Variants in SCN3A observed in about 807,000 individuals in gnomAD.
The protein encoded by SCN3A is sodium voltage-gated channel alpha subunit 3, also known as sodium channel protein type 3 subunit alpha.
A neutral mutation model predicts 187.6 loss-of-function variants in SCN3A; 60 were observed. That is an observed-to-expected ratio of 0.32 (90% CI 0.26 to 0.40). The LOEUF (loss-of-function observed/expected upper bound fraction) is 0.40. Among genes scored for constraint, SCN3A ranks in the 10% least tolerant of loss-of-function variants. The pLI, the probability that SCN3A is intolerant of heterozygous loss-of-function variation, is 1.00. For missense variants in SCN3A, 1,601 were observed against 2,428.2 expected (o/e 0.66, Z 7.16); for synonymous variants, 788 against 829.2 (o/e 0.95, Z 0.85).
At chr2:165,170,578 A>C in intron 3 of SCN3A, 30 bp from the exon 4 acceptor site, 2 of 1,282,692 alleles carry the variant, frequency 1.6e-6, no homozygotes, top group Non-Finnish European at 2.3e-6. Flanking sequence ...TAAAATTACT[A>C]AATTAGACAT....
At chr2:165,147,828 C>G (rs1688446147) in intron 11 of SCN3A, among the ~76,000 whole-genome samples, 1 of 152,112 alleles carries the variant, frequency 6.6e-6, no homozygotes, top group Non-Finnish European at 1.5e-5. Context: ...ACACAGTCAG[C>G]TCTGAGGTGA....
At position 165,127,674 on chromosome 2, in the gene SCN3A, G is replaced by T. The variant is rs767706892; in HGVS notation, c.3350C>A (p.Thr1117Asn). The change falls in exon 18 of 28, where the codon ACT (threonine) becomes AAT (asparagine). Residue 1117 changes from threonine (T) to asparagine (N), a missense_variant. By Grantham distance (65) the Thr-to-Asn change is moderately conservative. Transcript: ENST00000283254. ...VGESDFENLN[T>N]EEFSSESELE... The stretch of plus-strand genomic sequence containing the variant: ...TTCTGACTCACTGCTGAACTCTTCA[G>T]TATTTAAGTTTTCAAAGTCAGACTC... The T allele has an allele frequency of 9.9e-6, 16 of 1,614,086 alleles. No homozygotes were observed. Among genetic ancestry groups the T allele is most frequent in the East Asian group, 2.2e-5 (1 of 44,868 alleles).
intron 18 of SCN3A, among the ~76,000 whole-genome samples, chr2:165,126,970 T>C (rs1249140652): frequency 2.0e-5 from 3 of 152,120 alleles, no homozygotes; most frequent in South Asian, 2.1e-4. Context: ...AAACCTAATA[T>C]AGAGAGTAAG....
chr2:165,121,011 A>G (rs1259429345), intron 18 of SCN3A, among the ~76,000 whole-genome samples: 1 of 152,138 alleles, frequency 6.6e-6, no homozygotes, highest in Non-Finnish European at 1.5e-5. Flanking sequence ...GAAAAAGAAA[A>G]AGGCCATTTG....
intron 21 of SCN3A, among the ~76,000 whole-genome samples, chr2:165,104,561 A>G (rs1211960669): frequency 6.6e-6 from 1 of 151,884 alleles, no homozygotes; most frequent in Non-Finnish European, 1.5e-5. Flanking sequence ...GAAAAAAAAA[A>G]GCCCGGAATA....
chr2:165,104,935 G>C (rs1281961256), intron 21 of SCN3A, among the ~76,000 whole-genome samples: 5 of 152,120 alleles, frequency 3.3e-5, no homozygotes, highest in African/African-American at 4.8e-5. Flanking sequence ...GATACAACAA[G>C]AAGAGTTTTA....
chr2:165,149,390 A>C (rs1005725342), intron 11 of SCN3A, among the ~76,000 whole-genome samples: 2 of 151,922 alleles, frequency 1.3e-5, no homozygotes, highest in South Asian at 2.1e-4. Context: ...GGCCAGGCTG[A>C]TCTCAAACTC....
At chr2:165,192,865 A>G (rs1691702373) in intron 1 of SCN3A, among the ~76,000 whole-genome samples, 1 of 152,170 alleles carries the variant, frequency 6.6e-6, no homozygotes, top group East Asian at 1.9e-4. Context: ...GCAGGGCATT[A>G]TCAGATATAT....
intron 25 of SCN3A, among the ~76,000 whole-genome samples, chr2:165,095,183 A>G (rs1685309709): frequency 6.6e-6 from 1 of 152,208 alleles, no homozygotes; most frequent in African/African-American, 2.4e-5. Flanking sequence ...ACATGTATAG[A>G]GTGAAGTGTA....
At chr2:165,104,882 C>G (rs1175251908) in intron 21 of SCN3A, among the ~76,000 whole-genome samples, 1 of 152,022 alleles carries the variant, frequency 6.6e-6, no homozygotes, top group African/African-American at 2.4e-5. Flanking sequence ...TGAAGTTCAA[C>G]TAGAAGAAAA....
chr2:165,156,544 A>T (rs992049385), intron 9 of SCN3A, among the ~76,000 whole-genome samples: 33 of 145,138 alleles, frequency 2.3e-4, no homozygotes, highest in East Asian at 2.2e-3. Flanking sequence ...AAAAAAAAAA[A>T]AAAAAAAAAT....
At position 165,090,126 on chromosome 2, in the gene SCN3A, A is replaced by C. The variant is rs1463180089; in HGVS notation, c.*24T>G. 5.8e-6 allele frequency: 9 copies of C among 1,558,030 alleles called. No individual in the cohort carries two copies. Among genetic ancestry groups the C allele is most frequent in the Non-Finnish European group, 7.8e-6 (9 of 1,149,688 alleles). On this transcript the variant is annotated 3_prime_UTR_variant, in exon 28 of 28. Transcript: ENST00000283254. The surrounding 1 kb of genome is among the most constrained non-coding windows in gnomAD (Gnocchi z 4.0). ...CTTCATAGGCTGTAAACAATTGATC[A>C]CAAAGATAATTCTTTGTTTCTTTTT... is the stretch of plus-strand genomic sequence containing the variant.
intron 1 of SCN3A, among the ~76,000 whole-genome samples, chr2:165,194,371 T>C (rs1011865144): frequency 6.6e-6 from 1 of 152,142 alleles, no homozygotes; most frequent in African/African-American, 2.4e-5. Flanking sequence ...GTTTGTCCCT[T>C]CTGAGAGAAA....
chr2:165,147,356 G>C (rs994344710), intron 11 of SCN3A, among the ~76,000 whole-genome samples: 1 of 151,242 alleles, frequency 6.6e-6, no homozygotes, highest in Non-Finnish European at 1.5e-5. Flanking sequence ...TGTTTTCTTC[G>C]TGGTGGTTGC....
chr2:165,154,324 T>C, intron 11 of SCN3A, 128 bp downstream of exon 11: 1 of 1,041,906 alleles, frequency 9.6e-7, no homozygotes. Flanking sequence ...TGAATACTTT[T>C]TTTTCTAATG....
chr2:165,105,707 T>C (rs951501810), intron 21 of SCN3A, among the ~76,000 whole-genome samples: 6 of 152,032 alleles, frequency 3.9e-5, no homozygotes, highest in African/African-American at 1.4e-4. Flanking sequence ...CAGTCAGAAA[T>C]GGAAGTCCAG....
rs1014671306 is a variant in SCN3A at position 165,203,873 on chromosome 2, A to G, written c.-298T>C. The G allele has an allele frequency of 2.0e-5, 3 of 151,026 alleles. No homozygotes were observed. The highest frequency in any genetic ancestry group is 7.3e-5 in the African/African-American group (3 of 41,038). 9.4% of individuals were successfully genotyped at this position (151,026 alleles called of 1,614,324 possible). ...ACAGCATAACAAAGCCCAGCATCCA[A>G]GATGGTTAGGGTATAACGTGTCTTC... On this transcript the variant is annotated 5_prime_UTR_variant, in exon 1 of 28. Coordinates refer to ENST00000283254, the MANE Select transcript of SCN3A (RefSeq NM_006922.4).
chr2:165,127,917 A>C lies in SCN3A; in HGVS notation c.3107T>G (p.Val1036Gly), dbSNP rs1687090064. Residue 1036 changes from valine to glycine, a missense_variant, in exon 18 of 28, where the codon GTT (valine) becomes GGT (glycine). By Grantham distance (109) the Val-to-Gly change is moderately radical (BLOSUM62 -3). Transcript: ENST00000283254. Reference sequence around the variant, plus strand: ...CTTATTGCCTTCATGGATTTCTATAACTTTTGGCTTTCTAAAAAAGGCTTT... The same window carrying C: ...CTTATTGCCTTCATGGATTTCTATACCTTTTGGCTTTCTAAAAAAGGCTTT... ...FQKAFFRKPK[V>G]IEIHEGNKID... is the part of the protein sequence containing the mutation. The C allele has an allele frequency of 6.2e-7, 1 of 1,614,074 alleles. No individual in the cohort carries two copies. The highest frequency in any genetic ancestry group is 1.3e-5 in the African/African-American group (1 of 75,022).
At chr2:165,155,235 T>C (rs1387294467) in intron 10 of SCN3A, among the ~76,000 whole-genome samples, 2 of 152,152 alleles carry the variant, frequency 1.3e-5, no homozygotes, top group Non-Finnish European at 2.9e-5. Flanking sequence ...TCAGTGTACA[T>C]ATATAGGTAC....
Sources: allele counts gnomAD v4.1 joint callset (sites outside exome capture counted in the v4.1 genomes callset), GRCh38; gene constraint gnomAD v4.1.1; non-coding constraint Gnocchi (gnomAD v3.1); transcripts MANE v1.5; gene names NCBI Gene and HGNC (gene_info 2026-07-23, HGNC 2026-07-21).